AGBL4: variants seen among roughly 807,000 people sequenced by gnomAD.
AGBL4 encodes the protein AGBL carboxypeptidase 4, also known as cytosolic carboxypeptidase 6.
Under a neutral mutation model 66.4 loss-of-function variants are expected in AGBL4, and 58 were observed. That is an observed-to-expected ratio of 0.87 (90% CI 0.71 to 1.09). AGBL4 has a LOEUF of 1.09. AGBL4 is among the 50% of genes least tolerant of loss of function. The probability of loss-of-function intolerance (pLI) is 0.00; values close to 1 mark genes in which losing one functional copy is unlikely to be tolerated. For missense variants in AGBL4, 579 were observed against 631.0 expected, an observed-to-expected ratio of 0.92 and a Z score of 0.88; for synonymous variants, 234 against 222.9, an observed-to-expected ratio of 1.05 and a Z score of -0.44.
chr1:48,742,478 A>G (rs1158308770), intron 6 of AGBL4: 1 of 761,196 alleles, frequency 1.3e-6, no homozygotes, highest in Non-Finnish European at 1.9e-6. Context: ...TACTGATAGT[A>G]TACAAATTCC....
At chr1:49,225,690 G>A (rs1235516373) in intron 4 of AGBL4, among the ~76,000 whole-genome samples, 1 of 152,148 alleles carries the variant, frequency 6.6e-6, no homozygotes. Flanking sequence ...GGCAAACTCT[G>A]GTGTGGGCCA....
chr1:49,492,101 GCCTA>G (rs1647198726), intron 3 of AGBL4, among the ~76,000 whole-genome samples: 1 of 151,840 alleles, frequency 6.6e-6, no homozygotes, highest in African/African-American at 2.4e-5. Flanking sequence ...GATGATACAT[GCCTA>G]CCTAATGAGA....
intron 2 of AGBL4, among the ~76,000 whole-genome samples, chr1:49,850,652 T>C (rs1481238759): frequency 6.6e-6 from 1 of 152,168 alleles, no homozygotes; most frequent in African/African-American, 2.4e-5. Context: ...AAAACTATTA[T>C]ATAACTGATA....
chr1:49,213,533 G>C (rs975114165), intron 4 of AGBL4, among the ~76,000 whole-genome samples: 1 of 151,948 alleles, frequency 6.6e-6, no homozygotes, highest in South Asian at 2.1e-4. Context: ...CATGTGAGAC[G>C]CTTGCTCCTC....
intron 3 of AGBL4, among the ~76,000 whole-genome samples, chr1:49,430,268 T>C (rs541799372): frequency 1.2e-4 from 19 of 152,316 alleles, no homozygotes; most frequent in Admixed American, 9.8e-4. Flanking sequence ...ACATAGGTCT[T>C]ATGTCACCTG....
At chr1:49,012,763 T>C (rs1405804477) in intron 5 of AGBL4, among the ~76,000 whole-genome samples, 1 of 152,230 alleles carries the variant, frequency 6.6e-6, no homozygotes, top group Non-Finnish European at 1.5e-5. Flanking sequence ...TTGGCTGAAC[T>C]GTAGAAAGTG....
intron 11 of AGBL4, among the ~76,000 whole-genome samples, chr1:48,544,825 C>T (rs1644133571): frequency 6.6e-6 from 1 of 152,182 alleles, no homozygotes; most frequent in Non-Finnish European, 1.5e-5. Context: ...TGTCTGACTG[C>T]AACACACCAC....
At chr1:48,835,649 T>G (rs1646654842) in intron 6 of AGBL4, among the ~76,000 whole-genome samples, 1 of 152,160 alleles carries the variant, frequency 6.6e-6, no homozygotes, top group African/African-American at 2.4e-5. Context: ...GTCTATAATC[T>G]TAATAAGCCT....
At chr1:49,491,203 G>A (rs1355576943) in intron 3 of AGBL4, among the ~76,000 whole-genome samples, 1 of 151,576 alleles carries the variant, frequency 6.6e-6, no homozygotes, top group African/African-American at 2.4e-5. Context: ...AATCCCAAAG[G>A]GCACACAGTA....
intron 4 of AGBL4, among the ~76,000 whole-genome samples, chr1:49,230,713 T>C (rs12753111): frequency 6.6e-6 from 1 of 152,210 alleles, no homozygotes; most frequent in African/African-American, 2.4e-5. Flanking sequence ...ATTTTAATTG[T>C]TCCTTTTCTT....
chr1:49,828,669 C>A (rs1407028385), intron 2 of AGBL4, among the ~76,000 whole-genome samples: 1 of 151,910 alleles, frequency 6.6e-6, no homozygotes, highest in Non-Finnish European at 1.5e-5. Flanking sequence ...TGATGGGAAG[C>A]CAATGAAGGT....
At position 48,590,893 on chromosome 1, in the gene AGBL4, C is replaced by A. The variant is rs1206007095; in HGVS notation, c.1044G>T (p.Arg348=). ...TGGGAAAAATGGCCTGCCTCTGGAA[C>A]CGTTCCTCATCCTCAAAGATGTTGC... is the stretch of plus-strand genomic sequence containing the variant. ...MYGNIFEDEE[R]FQRQAIFPKL... The change falls in exon 10 of 14, where the codon CGG becomes CGT. Residue 348 remains arginine (R), a synonymous_variant. Coordinates refer to ENST00000371839, the MANE Select transcript of AGBL4 (RefSeq NM_032785.4). 4 of 1,608,440 alleles carry A rather than the reference C, an allele frequency of 2.5e-6. No individual in the cohort carries two copies. The highest frequency in any genetic ancestry group is 3.4e-6 in the Non-Finnish European group (4 of 1,177,548).
intron 4 of AGBL4, among the ~76,000 whole-genome samples, chr1:49,101,647 TGTGG>T (rs1364570990): frequency 2.6e-5 from 4 of 151,948 alleles, no homozygotes; most frequent in Non-Finnish European, 4.4e-5. Context: ...TTAGTAGGGG[TGTGG>T]GTGGGTGGCA....
intron 2 of AGBL4, among the ~76,000 whole-genome samples, chr1:49,832,799 T>C (rs2148018803): frequency 6.6e-6 from 1 of 152,348 alleles, no homozygotes; most frequent in East Asian, 1.9e-4. Context: ...TGTCTTCTTT[T>C]GAGAAGTGTC....
chr1:49,360,132 T>C (rs1216751147), intron 3 of AGBL4, among the ~76,000 whole-genome samples: 6 of 152,208 alleles, frequency 3.9e-5, no homozygotes, highest in Admixed American at 3.9e-4. Flanking sequence ...TCTGATGCTT[T>C]GGTCTGAAAT....
At chr1:49,562,079 G>C (rs573470012) in intron 3 of AGBL4, among the ~76,000 whole-genome samples, 6 of 152,160 alleles carry the variant, frequency 3.9e-5, no homozygotes, top group Non-Finnish European at 8.8e-5. Flanking sequence ...CATTTTTTCA[G>C]GTGTTTTTTG....
intron 1 of AGBL4, among the ~76,000 whole-genome samples, chr1:49,944,518 C>T (rs1351600856): frequency 2.0e-5 from 3 of 152,062 alleles, no homozygotes; most frequent in Admixed American, 1.3e-4. Flanking sequence ...GGGAAGAGTA[C>T]CACATCAAGG....
rs565767817 is a variant in AGBL4 at position 49,740,492 on chromosome 1, G to A, written c.158-43055C>T. Among the ~76,000 whole-genome samples the A allele has an allele frequency of 7.2e-4, 109 of 152,142 alleles. 1 individual carries two copies. The highest frequency in any genetic ancestry group is 2.2e-3 in the African/African-American group (92 of 41,510). On this transcript the variant is annotated intron_variant, in intron 2 of 13. Transcript: ENST00000371839. Reference sequence around the variant, plus strand: ...CACTGTCAATATTAGACAGATCAACGAGACAAAAAGTTAACAAGGATATCC... The same window carrying A: ...CACTGTCAATATTAGACAGATCAACAAGACAAAAAGTTAACAAGGATATCC...
chr1:48,677,780 T>A (rs1442752978), intron 6 of AGBL4, among the ~76,000 whole-genome samples: 1 of 152,100 alleles, frequency 6.6e-6, no homozygotes, highest in African/African-American at 2.4e-5. Context: ...CCTAGAACAG[T>A]GCAAGCCAGA....
Sources: allele counts gnomAD v4.1 joint callset (sites outside exome capture counted in the v4.1 genomes callset), GRCh38; gene constraint gnomAD v4.1.1; transcripts MANE v1.5; gene names NCBI Gene and HGNC (gene_info 2026-07-23, HGNC 2026-07-21).